Variants in UBAP2 observed in about 807,000 individuals in gnomAD.
UBAP2 encodes the protein ubiquitin associated protein 2.
Under a neutral mutation model 139.6 loss-of-function variants are expected in UBAP2, and 75 were observed. That is an observed-to-expected ratio of 0.54 (90% CI 0.45 to 0.65). UBAP2 has a LOEUF of 0.65. UBAP2 is among the 30% of genes least tolerant of loss of function. UBAP2 has a pLI of 0.00. For missense variants in UBAP2, 1,368 were observed against 1,369.6 expected (o/e 1.00, Z 0.02); for synonymous variants, 526 against 526.2 (o/e 1.00, Z 0.01).
intron 22 of UBAP2, among the ~76,000 whole-genome samples, chr9:33,925,108 G>C (rs2130854261): frequency 6.6e-6 from 1 of 152,212 alleles, no homozygotes; most frequent in Non-Finnish European, 1.5e-5. Context: ...GGTCTGACCT[G>C]ACCCTCACTC....
At chr9:33,964,887 TA>T (rs749438152) in intron 8 of UBAP2, among the ~76,000 whole-genome samples, 2 of 152,132 alleles carry the variant, frequency 1.3e-5, no homozygotes, top group Non-Finnish European at 2.9e-5. Context: ...TGTATATGAG[TA>T]CCTGTTATTC....
intron 1 of UBAP2, among the ~76,000 whole-genome samples, chr9:34,021,040 T>C (rs1027657525): frequency 7.2e-5 from 11 of 152,192 alleles, no homozygotes; most frequent in African/African-American, 1.7e-4. Context: ...GTAAATCTTA[T>C]ACATTTCAGA....
rs140479290 is a variant in UBAP2 at position 33,922,591 on chromosome 9, C to T, written c.3273G>A (p.Ser1091=). The stretch of plus-strand genomic sequence containing the variant: ...GGGAGCTGGGCTGGCTGCGCTGACC[C>T]GAGCCACTCTGAGGAAGAGGAGAAG... The part of the protein sequence containing the change: ...HHLPQDAQSG[S]GQRSQPSSLQ... The change falls in exon 29 of 29, where the codon TCG becomes TCA. Residue 1091 remains serine, a synonymous_variant. Coordinates refer to ENST00000379238, the MANE Select transcript of UBAP2 (RefSeq NM_001370062.2). 16 of 1,611,436 alleles carry T rather than the reference C, an allele frequency of 9.9e-6. No homozygotes were observed. The highest frequency in any genetic ancestry group is 5.5e-5 in the South Asian group (5 of 90,892).
chr9:33,932,500 T>A (rs991417906), intron 19 of UBAP2, 62 bp downstream of exon 19: 1 of 1,595,062 alleles, frequency 6.3e-7, no homozygotes, highest in Admixed American at 1.7e-5. Context: ...CCCAGCTGCA[T>A]GTGACTAAGC....
chr9:33,939,259 T>A (rs1215981365), intron 16 of UBAP2, among the ~76,000 whole-genome samples: 1 of 142,810 alleles, frequency 7.0e-6, no homozygotes, highest in African/African-American at 2.6e-5. Context: ...AACGGTGTGA[T>A]CTCCACTCAC....
intron 9 of UBAP2, among the ~76,000 whole-genome samples, chr9:33,962,672 A>ATAAT (rs1258980609): frequency 7.5e-6 from 1 of 134,114 alleles, no homozygotes; most frequent in Non-Finnish European, 1.6e-5. Context: ...AAATAAATAA[A>ATAAT]TAAATAAATA....
chr9:34,008,274 C>T (rs1295422410), intron 2 of UBAP2, among the ~76,000 whole-genome samples: 3 of 149,776 alleles, frequency 2.0e-5, no homozygotes, highest in Non-Finnish European at 4.4e-5. Flanking sequence ...GCTAAGATCG[C>T]GCCATTGCAC....
intron 19 of UBAP2, among the ~76,000 whole-genome samples, chr9:33,930,847 G>A (rs1823911815): frequency 1.5e-5 from 2 of 135,838 alleles, no homozygotes; most frequent in Admixed American, 1.6e-4. Context: ...AGTGAGCTGA[G>A]ATTGCGCCAT....
rs79581201 is a variant in UBAP2 at position 33,993,091 on chromosome 9, A to C, written c.288+3132T>G. On this transcript the variant is annotated intron_variant, in intron 4 of 28. Transcript: ENST00000379238. The stretch of plus-strand genomic sequence containing the variant: ...CAACCAAACATTATGATGAAACAAA[A>C]AGTTCAGTACTTATGTTCAATATCT... Among the ~76,000 whole-genome samples, 15 of 152,370 alleles carry C rather than the reference A, an allele frequency of 9.8e-5. No homozygotes were observed. In the East Asian group the frequency reaches 2.7e-3, roughly 27 times the overall value.
At chr9:34,042,589 C>T (rs1827198380) in intron 1 of UBAP2, among the ~76,000 whole-genome samples, 1 of 151,344 alleles carries the variant, frequency 6.6e-6, no homozygotes, top group Non-Finnish European at 1.5e-5. Flanking sequence ...GAGTTCAAGA[C>T]CACCCTGGGC....
At chr9:33,939,931 GGAA>G (rs900932369) in intron 16 of UBAP2, among the ~76,000 whole-genome samples, 4 of 100,248 alleles carry the variant, frequency 4.0e-5, no homozygotes, top group South Asian at 3.6e-4. Context: ...AAGAGGAGAA[GGAA>G]GAAGAAGAAA....
At chr9:34,000,094 C>A (rs1397373489) in intron 2 of UBAP2, among the ~76,000 whole-genome samples, 1 of 151,942 alleles carries the variant, frequency 6.6e-6, no homozygotes, top group Non-Finnish European at 1.5e-5. Context: ...ATTACAGGCG[C>A]CTGTCACTGC....
In UBAP2 at chr9:33,943,524, C is replaced by T; in HGVS notation, c.1611G>A (p.Gly537=). 1 of 1,614,116 alleles carries T rather than the reference C, an allele frequency of 6.2e-7. No homozygotes were observed. Among genetic ancestry groups the T allele is most frequent in the Non-Finnish European group, 8.5e-7 (1 of 1,180,028 alleles). ...ADVTGLNVQF[G]ALEFGSEPSL... is the part of the protein sequence containing the mutation. ...AAGGTTCTGACCCAAATTCCAGAGC[C>T]CCAAACTGCACATTTAATCCTGTGA... Residue 537 remains glycine, a synonymous_variant, in exon 15 of 29, where the codon GGG becomes GGA. Coordinates refer to ENST00000379238, the MANE Select transcript of UBAP2 (RefSeq NM_001370062.2).
chr9:33,973,229 G>A lies in UBAP2; in HGVS notation c.529C>T (p.Arg177Cys), dbSNP rs374776694. The change falls in exon 7 of 29, where the codon CGT becomes TGT. Residue 177 changes from arginine (R) to cysteine (C), a missense_variant. Physicochemically the swap from Arg to Cys is radical, Grantham distance 180. Coordinates refer to ENST00000379238, the MANE Select transcript of UBAP2 (RefSeq NM_001370062.2). ...GKRARGRGFG[R>C]GRGRGAGRFS... The stretch of plus-strand genomic sequence containing the variant: ...CTTCCTGCCCCTCTCCCTCTGCCAC[G>A]TCCAAATCCTTTAAAAAAACACACA... 131 of 1,613,544 alleles carry A rather than the reference G, an allele frequency of 8.1e-5. No homozygotes were observed. The highest frequency in any genetic ancestry group is 1.1e-4 in the Non-Finnish European group (125 of 1,179,862).
chr9:33,959,553 A>C (rs1826857465), intron 10 of UBAP2, among the ~76,000 whole-genome samples: 1 of 152,158 alleles, frequency 6.6e-6, no homozygotes, highest in African/African-American at 2.4e-5. Flanking sequence ...AGAGGTATAA[A>C]ATTTTATGGT....
At chr9:33,941,222 T>TGGTATCCTTTATA (rs1024984152) in intron 16 of UBAP2, among the ~76,000 whole-genome samples, 2 of 152,220 alleles carry the variant, frequency 1.3e-5, no homozygotes, top group Non-Finnish European at 2.9e-5. Context: ...TTCCTTTATC[T>TGGTATCCTTTATA]ATAGTCCAGT....
At position 34,000,494 on chromosome 9, in the gene UBAP2, A is replaced by G. The variant is rs144665095; in HGVS notation, c.100-1630T>C. Among the ~76,000 whole-genome samples the G allele has an allele frequency of 7.8e-3, 1,185 of 152,308 alleles. 11 individuals are homozygous for G. Among genetic ancestry groups the G allele is most frequent in the African/African-American group, 0.026 (1,083 of 41,558 alleles). ...TTACAACAGGGAAATTAGGTGAGGA[A>G]TATACAGGAACAATCTGTATCATCT... On this transcript the variant is annotated intron_variant, in intron 2 of 28. Transcript: ENST00000379238.
chr9:33,943,660 C>T (rs1825422175), intron 14 of UBAP2, 71 bp from the exon 15 acceptor site: 54 of 1,471,158 alleles, frequency 3.7e-5, no homozygotes, highest in Non-Finnish European at 4.9e-5. Context: ...TATAACAGAG[C>T]CAAACAAGCA....
chr9:33,977,042 ATT>A (rs778975821), intron 6 of UBAP2, among the ~76,000 whole-genome samples: 5 of 127,108 alleles, frequency 3.9e-5, no homozygotes, highest in Admixed American at 7.8e-5. Context: ...TTTTTTATTT[ATT>A]TTTTTTTTTT....
Sources: gnomAD v4.1 joint callset for allele counts (sites outside exome capture counted in the v4.1 genomes callset) on GRCh38, gnomAD v4.1.1 for gene constraint, MANE v1.5 for transcripts, NCBI Gene and HGNC (gene_info 2026-07-23, HGNC 2026-07-21) for gene names.